RGS6: variants seen among roughly 807,000 people sequenced by gnomAD.
RGS6 encodes the protein regulator of G-protein signaling 6.
In RGS6, 30 loss-of-function variants were observed where a neutral mutation model predicts 78.5. That is an observed-to-expected ratio of 0.38 (90% CI 0.29 to 0.52). The LOEUF (loss-of-function observed/expected upper bound fraction) is 0.52, where lower values mean the gene tolerates loss of function less well. RGS6 is among the 20% of genes least tolerant of loss of function. RGS6 has a pLI of 0.85. For missense variants in RGS6, 495 were observed against 609.7 expected, an observed-to-expected ratio of 0.81 and a Z score of 1.98; for synonymous variants, 206 against 206.0, an observed-to-expected ratio of 1.00 and a Z score of 0.00.
chr14:72,337,556 T>G (rs994106026), intron 2 of RGS6, among the ~76,000 whole-genome samples: 1 of 152,060 alleles, frequency 6.6e-6, no homozygotes, highest in African/African-American at 2.4e-5. Flanking sequence ...ACATGAGCAG[T>G]GAGGTGACCT....
chr14:72,327,182 C>T (rs2073996380), intron 2 of RGS6, among the ~76,000 whole-genome samples: 1 of 152,036 alleles, frequency 6.6e-6, no homozygotes, highest in East Asian at 1.9e-4. Flanking sequence ...ATTACCTATT[C>T]AAAAAGTTAA....
intron 2 of RGS6, among the ~76,000 whole-genome samples, chr14:72,180,742 C>G (rs540264510): frequency 4.1e-4 from 63 of 152,160 alleles, no homozygotes; most frequent in Non-Finnish European, 7.8e-4. Flanking sequence ...GTGATTGAAT[C>G]GATGCTGTTA....
chr14:71,980,868 G>C (rs8011827), intron 2 of RGS6, among the ~76,000 whole-genome samples: 1 of 89,170 alleles, frequency 1.1e-5, no homozygotes, highest in Admixed American at 1.2e-4. Context: ...TTCCAACTTG[G>C]TTCCATTCTC....
chr14:72,472,754 G>A (rs1459123824), intron 8 of RGS6, 118 bp from the exon 9 acceptor site: 5 of 705,198 alleles, frequency 7.1e-6, no homozygotes, highest in Non-Finnish European at 9.9e-6. Context: ...CACCATGCAG[G>A]TACCAATGGC....
chr14:72,118,215 C>T (rs933027907), intron 2 of RGS6, among the ~76,000 whole-genome samples: 3 of 151,976 alleles, frequency 2.0e-5, no homozygotes, highest in Non-Finnish European at 2.9e-5. Flanking sequence ...ATCAGCTTCT[C>T]CGTAAGGCTA....
chr14:72,618,452 A>G, the RGS6 span, among the ~76,000 whole-genome samples: 21 of 152,186 alleles, frequency 1.4e-4, no homozygotes, highest in Admixed American at 4.6e-4. Flanking sequence ...GCTGAGAGGC[A>G]GAGGCTTGAC....
chr14:72,236,860 T>C (rs988027235), intron 2 of RGS6, among the ~76,000 whole-genome samples: 5 of 151,754 alleles, frequency 3.3e-5, no homozygotes, highest in African/African-American at 1.2e-4. Flanking sequence ...GAGGCGCTTC[T>C]CACCTCCCAG....
chr14:72,578,601 A>C, the RGS6 span, among the ~76,000 whole-genome samples: 7 of 152,350 alleles, frequency 4.6e-5, no homozygotes, highest in African/African-American at 1.7e-4. Flanking sequence ...AGCACCGATG[A>C]TGTGTCAGGC....
chr14:72,312,007 T>C (rs1296225756), intron 2 of RGS6, among the ~76,000 whole-genome samples: 1 of 152,190 alleles, frequency 6.6e-6, no homozygotes, highest in Non-Finnish European at 1.5e-5. Flanking sequence ...TTAGGATTTC[T>C]GGTAATCAGA....
At chr14:72,431,777 G>C (rs1467871167) in intron 3 of RGS6, among the ~76,000 whole-genome samples, 3 of 152,144 alleles carry the variant, frequency 2.0e-5, no homozygotes, top group Non-Finnish European at 2.9e-5. Context: ...GACAGGGAGA[G>C]CCCTCTGGCC....
rs1174929713 is a variant in RGS6 at position 72,383,187 on chromosome 14, T to TATAC, written c.184+30996_184+30997insCATA. Among the ~76,000 whole-genome samples, 277 of 97,212 alleles carry TATAC rather than the reference T, an allele frequency of 2.8e-3. 5 individuals are homozygous for TATAC. Among genetic ancestry groups the TATAC allele is most frequent in the African/African-American group, 0.013 (269 of 20,522 alleles). The allele number at this position is 97,212 out of a possible 152,430, so 63.8% of individuals were successfully genotyped here. ...CATGAAAAAATTGTACATATATATATATATATATATATATATATATATATA... is the reference window on the plus strand; with the variant it reads ...CATGAAAAAATTGTACATATATATATATACATATATATATATATATATATATATA... On this transcript the variant is annotated intron_variant, in intron 3 of 17. Transcript: ENST00000553525.
chr14:71,931,064 C>T (rs2152921145), upstream of RGS6, among the ~76,000 whole-genome samples: 1 of 147,184 alleles, frequency 6.8e-6, no homozygotes, highest in Middle Eastern at 3.9e-3. Context: ...ACCTTTCGCT[C>T]CATGTACAGC....
At chr14:72,114,146 T>A (rs916916250) in intron 2 of RGS6, among the ~76,000 whole-genome samples, 1 of 152,082 alleles carries the variant, frequency 6.6e-6, no homozygotes, top group African/African-American at 2.4e-5. Context: ...TCAGGTAGGG[T>A]GGATGTATAA....
intron 2 of RGS6, among the ~76,000 whole-genome samples, chr14:72,153,794 G>A (rs2096729337): frequency 6.6e-6 from 1 of 152,116 alleles, no homozygotes; most frequent in African/African-American, 2.4e-5. Context: ...ATGCTTCTGG[G>A]GAAACAGAAC....
chr14:71,956,357 G>GTATA (rs10651401), intron 1 of RGS6, among the ~76,000 whole-genome samples: 38,013 of 150,378 alleles, frequency 0.25, 5,134 homozygotes, highest in South Asian at 0.32. Context: ...GTGTGTGTGT[G>GTATA]TATATTCTAT....
At chr14:72,288,914 G>T (rs2063076468) in intron 2 of RGS6, among the ~76,000 whole-genome samples, 1 of 152,120 alleles carries the variant, frequency 6.6e-6, no homozygotes, top group Non-Finnish European at 1.5e-5. Flanking sequence ...TAAGACTTAG[G>T]TAAGGTTCAC....
chr14:72,354,390 C>CT (rs2152750216), intron 3 of RGS6, among the ~76,000 whole-genome samples: 1 of 150,972 alleles, frequency 6.6e-6, no homozygotes, highest in African/African-American at 2.4e-5. Context: ...CTTTGGGAGG[C>CT]TGAGGTGGGT....
chr14:72,097,588 G>C (rs1597497255), intron 2 of RGS6, among the ~76,000 whole-genome samples: 1 of 152,274 alleles, frequency 6.6e-6, no homozygotes, highest in East Asian at 1.9e-4. Context: ...GGAGGAGAAG[G>C]GGGCGGGTGT....
intron 2 of RGS6, among the ~76,000 whole-genome samples, chr14:72,301,242 A>C (rs2065987679): frequency 6.6e-6 from 1 of 152,194 alleles, no homozygotes; most frequent in Non-Finnish European, 1.5e-5. Context: ...AATGTAAATA[A>C]ATGGGAACTT....
Sources: allele counts gnomAD v4.1 joint callset (sites outside exome capture counted in the v4.1 genomes callset), GRCh38; gene constraint gnomAD v4.1.1; transcripts MANE v1.5; gene names NCBI Gene and HGNC (gene_info 2026-07-23, HGNC 2026-07-21).